Variants in BNC2 observed in about 807,000 individuals in gnomAD.
The protein encoded by BNC2 is zinc finger protein basonuclin-2.
BNC2 carries 20 observed loss-of-function variants against 76.3 expected under a neutral mutation model. The observed-to-expected ratio is 0.26, with a 90% CI of 0.18 to 0.38. The LOEUF (loss-of-function observed/expected upper bound fraction) is 0.38, where lower values mean the gene tolerates loss of function less well. Ranked by LOEUF, BNC2 falls within the 10% of genes least tolerant of loss-of-function variation. BNC2 has a pLI of 1.00. For synonymous variants in BNC2, 582 were observed against 514.8 expected (o/e 1.13, Z -1.77); for missense variants, 1,382 against 1,399.8 (o/e 0.99, Z 0.20).
chr9:16,632,429 A>T (rs541505871), intron 3 of BNC2, among the ~76,000 whole-genome samples: 1 of 38,012 alleles, frequency 2.6e-5, no homozygotes, highest in African/African-American at 4.6e-4. Context: ...CTAAAACGGG[A>T]AAAAAAAAAA....
intron 2 of BNC2, among the ~76,000 whole-genome samples, chr9:16,732,162 A>AAAAAAAAAGAAAAAG (rs59888253): frequency 2.0e-4 from 25 of 123,588 alleles, no homozygotes; most frequent in Non-Finnish European, 3.2e-4. Context: ...TCCTGCAAAA[A>AAAAAAAAAGAAAAAG]AAAAAGAAAA....
intron 1 of BNC2, among the ~76,000 whole-genome samples, chr9:16,789,056 C>A (rs1406584700): frequency 6.6e-6 from 1 of 152,146 alleles, no homozygotes; most frequent in African/African-American, 2.4e-5. Context: ...TGCTTAAAAC[C>A]CAAAGGTTCT....
chr9:16,507,627 T>C (rs867903473), intron 5 of BNC2, among the ~76,000 whole-genome samples: 3 of 151,986 alleles, frequency 2.0e-5, no homozygotes, highest in South Asian at 4.1e-4. Flanking sequence ...CAGGGTTTCA[T>C]TATGTTGGCC....
intron 5 of BNC2, among the ~76,000 whole-genome samples, chr9:16,537,583 G>A (rs1818169626): frequency 6.6e-6 from 1 of 152,184 alleles, no homozygotes. Context: ...CTACCATCTT[G>A]ACTTTCTATT....
chr9:16,478,965 G>C (rs1254019049), intron 5 of BNC2, among the ~76,000 whole-genome samples: 2 of 152,170 alleles, frequency 1.3e-5, no homozygotes, highest in Admixed American at 1.3e-4. Flanking sequence ...AAACTTGGTG[G>C]TTGGGGCTGG....
chr9:16,788,282 G>A (rs1487890177), intron 1 of BNC2, among the ~76,000 whole-genome samples: 14 of 152,032 alleles, frequency 9.2e-5, no homozygotes, highest in East Asian at 3.9e-4. Context: ...GGCCAGGCGC[G>A]GTGGCTCACG....
intron 3 of BNC2, among the ~76,000 whole-genome samples, chr9:16,606,247 AT>A (rs954647155): frequency 1.8e-4 from 28 of 152,268 alleles, no homozygotes; most frequent in African/African-American, 6.3e-4. Context: ...TAGAAAAAAT[AT>A]TTTTTAAAGG....
intron 5 of BNC2, among the ~76,000 whole-genome samples, chr9:16,438,088 T>C (rs1349346770): frequency 1.3e-5 from 2 of 152,068 alleles, no homozygotes; most frequent in Admixed American, 1.3e-4. Flanking sequence ...CTACCCCTCA[T>C]ACCTTGTTAC....
At chr9:16,604,014 G>T (rs1271455678) in intron 3 of BNC2, among the ~76,000 whole-genome samples, 1 of 151,998 alleles carries the variant, frequency 6.6e-6, no homozygotes, top group Non-Finnish European at 1.5e-5. Context: ...AACTTTACAT[G>T]AGTTTGTATA....
At chr9:16,487,263 G>C (rs1180188803) in intron 5 of BNC2, among the ~76,000 whole-genome samples, 1 of 152,124 alleles carries the variant, frequency 6.6e-6, no homozygotes. Flanking sequence ...TCTGTCGGCT[G>C]GGGGTGGAGG....
chr9:16,648,881 G>T (rs370794471), intron 3 of BNC2, among the ~76,000 whole-genome samples: 2 of 152,154 alleles, frequency 1.3e-5, no homozygotes, highest in East Asian at 3.9e-4. Flanking sequence ...ATGCACATAA[G>T]GGCAGTGAAC....
intron 3 of BNC2, among the ~76,000 whole-genome samples, chr9:16,612,219 A>G (rs1180861500): frequency 2.0e-5 from 3 of 152,176 alleles, no homozygotes; most frequent in African/African-American, 7.2e-5. Context: ...GCAATCCTCC[A>G]GCCTGACTAG....
chr9:16,821,227 C>G (rs1419310288), intron 1 of BNC2, among the ~76,000 whole-genome samples: 1 of 134,936 alleles, frequency 7.4e-6, no homozygotes, highest in African/African-American at 2.7e-5. Flanking sequence ...GAACAAAACT[C>G]CGTCTCAAAA....
At chr9:16,747,608 A>T (rs530977940) in intron 1 of BNC2, among the ~76,000 whole-genome samples, 1 of 152,332 alleles carries the variant, frequency 6.6e-6, no homozygotes, top group Non-Finnish European at 1.5e-5. Flanking sequence ...TCAAACTGGG[A>T]ATTCAAGACC....
intron 3 of BNC2, among the ~76,000 whole-genome samples, chr9:16,603,851 CCT>C (rs1563859030): frequency 6.8e-6 from 1 of 147,456 alleles, no homozygotes; most frequent in Non-Finnish European, 1.5e-5. Context: ...TATTTTCAAA[CCT>C]CTCTCAAATA....
At chr9:16,441,126 G>T (rs1454930636) in intron 5 of BNC2, among the ~76,000 whole-genome samples, 1 of 152,070 alleles carries the variant, frequency 6.6e-6, no homozygotes, top group Non-Finnish European at 1.5e-5. Flanking sequence ...AGGCAACATG[G>T]CAAGACCCTG....
At chr9:16,851,666 A>C (rs1450848744) in intron 1 of BNC2, among the ~76,000 whole-genome samples, 3 of 152,346 alleles carry the variant, frequency 2.0e-5, no homozygotes, top group Non-Finnish European at 4.4e-5. Flanking sequence ...ATTATTTCTC[A>C]ATAAAACTGT....
chr9:16,423,249 C>G (rs1820742999), intron 6 of BNC2, among the ~76,000 whole-genome samples: 1 of 152,154 alleles, frequency 6.6e-6, no homozygotes, highest in African/African-American at 2.4e-5. Context: ...TAACAAATAT[C>G]TAAGACTGTA....
At chr9:16,474,726 T>A (rs1379022659) in intron 5 of BNC2, among the ~76,000 whole-genome samples, 1 of 152,100 alleles carries the variant, frequency 6.6e-6, no homozygotes, top group Non-Finnish European at 1.5e-5. Flanking sequence ...GAAGCTTTCG[T>A]TGAAAAAAAA....
Sources: allele counts gnomAD v4.1 joint callset (sites outside exome capture counted in the v4.1 genomes callset), GRCh38; gene constraint gnomAD v4.1.1; transcripts MANE v1.5; gene names NCBI Gene and HGNC (gene_info 2026-07-23, HGNC 2026-07-21).